The following WWP2 variants were observed in gnomAD, a reference collection of about 807,000 sequenced individuals.
The protein encoded by WWP2 is NEDD4-like E3 ubiquitin-protein ligase WWP2.
WWP2 carries 57 observed loss-of-function variants against 121.0 expected under a neutral mutation model. That is an observed-to-expected ratio of 0.47 (90% CI 0.38 to 0.59). WWP2 has a LOEUF of 0.59. Among genes scored for constraint, WWP2 ranks in the 20% least tolerant of loss-of-function variants. The probability of loss-of-function intolerance (pLI) is 0.00; values close to 1 mark genes in which losing one functional copy is unlikely to be tolerated. For synonymous variants in WWP2, 449 were observed against 441.3 expected (o/e 1.02, Z -0.22); for missense variants, 962 against 1,158.9 (o/e 0.83, Z 2.47).
intron 8 of WWP2, among the ~76,000 whole-genome samples, chr16:69,899,726 CAAAAAAAAAAAAA>C (rs35485826): frequency 1.5e-5 from 1 of 64,754 alleles, no homozygotes; most frequent in Admixed American, 2.2e-4. Flanking sequence ...GACTCCGTCT[CAAAAAAAAAAAAA>C]AAAAAAAAAA....
At chr16:69,835,913 C>T (rs1169023161) in intron 4 of WWP2, among the ~76,000 whole-genome samples, 2 of 151,994 alleles carry the variant, frequency 1.3e-5, no homozygotes, top group African/African-American at 4.8e-5. Flanking sequence ...AGTGATTCTC[C>T]TGCCTTAGCC....
chr16:69,885,139 ACATTC>A (rs1360508470), intron 7 of WWP2, among the ~76,000 whole-genome samples: 7 of 149,190 alleles, frequency 4.7e-5, no homozygotes, highest in Non-Finnish European at 7.5e-5. Flanking sequence ...ACACACACAC[ACATTC>A]TTCTTCTTTA....
chr16:69,925,872 G>A lies in WWP2; in HGVS notation c.1234+388G>A, dbSNP rs537283243. ...ATGGATTTGTTTCAGATCTGTGACCGTATGGTTGGAATGATCCACCCTAAC... is the reference window on the plus strand; with the variant it reads ...ATGGATTTGTTTCAGATCTGTGACCATATGGTTGGAATGATCCACCCTAAC... On this transcript the variant is annotated intron_variant, in intron 11 of 23. Coordinates refer to ENST00000359154, the MANE Select transcript of WWP2 (RefSeq NM_001270454.2). This position sits in a 1 kb window ranked among gnomAD's most constrained non-coding sequence, Gnocchi z 4.0. 1.0e-3 allele frequency: 186 copies of A among 181,018 alleles called. No individual in the cohort carries two copies. Among genetic ancestry groups the A allele is most frequent in the Non-Finnish European group, 1.6e-3 (139 of 87,556 alleles). 11.2% of individuals were successfully genotyped at this position (181,018 alleles called of 1,614,324 possible).
chr16:69,778,072 A>AATATAT (rs138021233), intron 1 of WWP2, among the ~76,000 whole-genome samples: 25,880 of 136,592 alleles, frequency 0.19, 2,594 homozygotes, highest in East Asian at 0.32. Context: ...CCCTGTCTCA[A>AATATAT]ATATATATAT....
chr16:69,900,639 C>G (rs1254666709), intron 8 of WWP2, among the ~76,000 whole-genome samples: 3 of 152,096 alleles, frequency 2.0e-5, no homozygotes, highest in African/African-American at 7.2e-5. Context: ...TCTCCTGCCT[C>G]AGCCTCCTGA....
chr16:69,868,661 G>GCACACACA (rs57674223), intron 6 of WWP2, among the ~76,000 whole-genome samples: 70 of 149,334 alleles, frequency 4.7e-4, no homozygotes, highest in African/African-American at 1.2e-3. Flanking sequence ...ATACACATGT[G>GCACACACA]CACACACACA....
At chr16:69,786,462 T>C (rs2055793112) in intron 1 of WWP2, among the ~76,000 whole-genome samples, 1 of 143,324 alleles carries the variant, frequency 7.0e-6, no homozygotes, top group Non-Finnish European at 1.5e-5. Context: ...TTTTTTTTTT[T>C]TTTTTTGAGA....
intron 12 of WWP2, 25 bp from the exon 13 acceptor site, chr16:69,930,105 C>T (rs746822336): frequency 3.3e-5 from 53 of 1,613,680 alleles, no homozygotes; most frequent in African/African-American, 5.3e-5. Context: ...GCCAGCCCTT[C>T]ACCCTTTTCT....
At chr16:69,883,268 C>G (rs1045077338) in intron 7 of WWP2, among the ~76,000 whole-genome samples, 9 of 152,172 alleles carry the variant, frequency 5.9e-5, no homozygotes, top group Non-Finnish European at 1.0e-4. Flanking sequence ...GTATGGTGCC[C>G]TGTCCCTGGT....
rs780463790 is a variant in WWP2 at position 69,931,491 on chromosome 16, T to C, written c.1522-18T>C. On this transcript the variant is annotated intron_variant, in intron 14 of 23. Coordinates refer to ENST00000359154, the MANE Select transcript of WWP2 (RefSeq NM_001270454.2). ...ACTTGAGGCTCGATTTAAAGTTCTT[T>C]TCTTTTTTTTTTTTCAGTCAAATGC... 8.1e-6 allele frequency: 13 copies of C among 1,613,372 alleles called. No individual in the cohort carries two copies. Among genetic ancestry groups the C allele is most frequent in the Non-Finnish European group, 1.1e-5 (13 of 1,179,784 alleles).
intron 8 of WWP2, among the ~76,000 whole-genome samples, chr16:69,903,140 T>C (rs2058231571): frequency 6.6e-6 from 1 of 152,076 alleles, no homozygotes; most frequent in Admixed American, 6.6e-5. Context: ...ACAATAATAG[T>C]CCCTGAAAGA....
At chr16:69,890,202 TCAAAA>T (rs1293025224) in intron 8 of WWP2, among the ~76,000 whole-genome samples, 2 of 151,722 alleles carry the variant, frequency 1.3e-5, no homozygotes, top group African/African-American at 2.4e-5. Flanking sequence ...AACCCAGTTG[TCAAAA>T]CAAAAATCTT....
chr16:69,792,372 G>A (rs951308159), intron 2 of WWP2, among the ~76,000 whole-genome samples: 2 of 152,174 alleles, frequency 1.3e-5, no homozygotes, highest in African/African-American at 4.8e-5. Context: ...AGCTTTTTCA[G>A]TGTATAATTT....
At chr16:69,870,678 G>A (rs76125541) in intron 6 of WWP2, among the ~76,000 whole-genome samples, 5 of 152,140 alleles carry the variant, frequency 3.3e-5, no homozygotes, top group Non-Finnish European at 5.9e-5. Context: ...TTCTCTGTCT[G>A]GAGAGGGGTG....
At chr16:69,782,023 C>G (rs2055674516) in intron 1 of WWP2, among the ~76,000 whole-genome samples, 1 of 152,160 alleles carries the variant, frequency 6.6e-6, no homozygotes, top group Non-Finnish European at 1.5e-5. Context: ...TGGCTCATGC[C>G]TGTAATCCCA....
At chr16:69,794,181 G>A (rs370956872) in intron 2 of WWP2, among the ~76,000 whole-genome samples, 18 of 152,208 alleles carry the variant, frequency 1.2e-4, no homozygotes, top group African/African-American at 4.1e-4. Context: ...GCCTCCCAAA[G>A]TGCTGGGATT....
intron 9 of WWP2, among the ~76,000 whole-genome samples, chr16:69,916,509 G>C (rs1184521245): frequency 1.3e-5 from 2 of 152,164 alleles, no homozygotes; most frequent in African/African-American, 4.8e-5. Flanking sequence ...GAGTGGGGAG[G>C]TTAATTCTGG....
chr16:69,931,315 T>C, intron 14 of WWP2, 88 bp downstream of exon 14: 1 of 1,563,204 alleles, frequency 6.4e-7, no homozygotes, highest in Non-Finnish European at 8.8e-7. Flanking sequence ...GGTATCGGAA[T>C]GTTTGTGTCT....
chr16:69,807,124 T>G (rs8058594), intron 4 of WWP2, among the ~76,000 whole-genome samples: 128,903 of 151,754 alleles, frequency 0.85, 55,026 homozygotes, highest in Admixed American at 0.91. Context: ...TGCCTCCTGG[T>G]TTCAAGTGAT....
Sources: allele counts gnomAD v4.1 joint callset (sites outside exome capture counted in the v4.1 genomes callset), GRCh38; gene constraint gnomAD v4.1.1; non-coding constraint Gnocchi (gnomAD v3.1); transcripts MANE v1.5; gene names NCBI Gene and HGNC (gene_info 2026-07-23, HGNC 2026-07-21).